The following TACC2 variants were observed in gnomAD, a reference collection of about 807,000 sequenced individuals.
TACC2 encodes transforming acidic coiled-coil-containing protein 2.
In TACC2, 137 loss-of-function variants were observed where a neutral mutation model predicts 227.3. The observed-to-expected ratio is 0.60, with a 90% CI of 0.52 to 0.69. The LOEUF (loss-of-function observed/expected upper bound fraction) is 0.69, where lower values mean the gene tolerates loss of function less well. Ranked by LOEUF, TACC2 falls within the 30% of genes least tolerant of loss-of-function variation. TACC2 has a pLI of 0.00. For missense variants in TACC2, 3,470 were observed against 3,694.4 expected (o/e 0.94, Z 1.57); for synonymous variants, 1,523 against 1,487.5 (o/e 1.02, Z -0.55).
intron 5 of TACC2, among the ~76,000 whole-genome samples, chr10:122,119,874 G>A (rs1041692722): frequency 1.3e-5 from 2 of 151,798 alleles, no homozygotes; most frequent in African/African-American, 2.4e-5. Context: ...AGTCAAGATC[G>A]CGCTGCTGTA....
intron 11 of TACC2, among the ~76,000 whole-genome samples, chr10:122,217,175 T>C (rs1462718523): frequency 6.6e-6 from 1 of 152,054 alleles, no homozygotes; most frequent in East Asian, 1.9e-4. Flanking sequence ...GGGAGTGTCA[T>C]TCAAGTCAAA....
intron 1 of TACC2, among the ~76,000 whole-genome samples, chr10:122,002,731 A>G (rs1954556465): frequency 6.6e-6 from 1 of 152,184 alleles, no homozygotes. Context: ...TCACTAGGAT[A>G]CTATCCATTT....
intron 7 of TACC2, among the ~76,000 whole-genome samples, chr10:122,151,235 T>C (rs939935932): frequency 6.6e-6 from 1 of 152,000 alleles, no homozygotes; most frequent in Non-Finnish European, 1.5e-5. Flanking sequence ...AACTCTCCAA[T>C]AGAGCTGAGA....
At position 122,073,728 on chromosome 10, in the gene TACC2, C is replaced by T. The variant is rs11814526; in HGVS notation, c.147-8919C>T. On this transcript the variant is annotated intron_variant, in intron 3 of 22. Transcript: ENST00000369005. ...CCTGCGGTAGAAAAGCTTGTTTAAC[C>T]GCACTTCACCTAGTGCTTCCCACAT... Among the ~76,000 whole-genome samples the T allele has an allele frequency of 3.6e-3, 548 of 152,194 alleles. 7 individuals are homozygous for T. The highest frequency in any genetic ancestry group is 0.013 in the African/African-American group (531 of 41,536).
At chr10:122,063,700 C>T (rs983822388) in intron 3 of TACC2, among the ~76,000 whole-genome samples, 1 of 152,042 alleles carries the variant, frequency 6.6e-6, no homozygotes, top group South Asian at 2.1e-4. Context: ...GTTTTCCTCA[C>T]ACTCTTCTTT....
rs1430980605 is a variant in TACC2 at position 122,211,283 on chromosome 10, C to T, written c.6858C>T (p.Thr2286=). Residue 2286 remains threonine, a synonymous_variant, in exon 9 of 23, where the codon ACC becomes ACT. Coordinates refer to ENST00000369005, the MANE Select transcript of TACC2 (RefSeq NM_206862.4). ...ACCAGCAGGAAAACCCCCCTCCTAC[C>T]AAAAAGATAGGCAAAAAGCCAGTTG... ...WDNQQENPPP[T]KKIGKKPVAK... is the part of the protein sequence containing the mutation. 1 of 1,613,894 alleles carries T rather than the reference C, an allele frequency of 6.2e-7. No homozygotes were observed. Among genetic ancestry groups the T allele is most frequent in the Non-Finnish European group, 8.5e-7 (1 of 1,180,008 alleles).
chr10:122,232,259 A>G (rs10788262), intron 16 of TACC2, among the ~76,000 whole-genome samples: 44,881 of 152,198 alleles, frequency 0.29, 7,755 homozygotes, highest in East Asian at 0.54. Flanking sequence ...AATGAATTGC[A>G]TGCAGTTTGG....
At chr10:122,251,071 C>G (rs994091100) in intron 22 of TACC2, among the ~76,000 whole-genome samples, 1 of 151,498 alleles carries the variant, frequency 6.6e-6, no homozygotes, top group Non-Finnish European at 1.5e-5. Flanking sequence ...AGGCATGTGC[C>G]CCCTACCAGG....
At chr10:122,049,444 C>A (rs1165778912) in intron 2 of TACC2, among the ~76,000 whole-genome samples, 1 of 152,150 alleles carries the variant, frequency 6.6e-6, no homozygotes, top group African/African-American at 2.4e-5. Context: ...TGACCGGAGT[C>A]TCATGTACAC....
intron 2 of TACC2, among the ~76,000 whole-genome samples, chr10:122,049,385 C>A (rs1258547428): frequency 1.3e-5 from 2 of 152,356 alleles, no homozygotes; most frequent in Non-Finnish European, 2.9e-5. Flanking sequence ...TAGAACCCCC[C>A]ACCAGAACTG....
chr10:122,037,463 T>G (rs959650258), intron 2 of TACC2, among the ~76,000 whole-genome samples: 6 of 152,232 alleles, frequency 3.9e-5, no homozygotes, highest in African/African-American at 1.2e-4. Context: ...GGTGAACTTG[T>G]GCCCAGCTCT....
intron 8 of TACC2, among the ~76,000 whole-genome samples, chr10:122,197,102 A>C (rs548499507): frequency 6.6e-6 from 1 of 151,572 alleles, no homozygotes; most frequent in African/African-American, 2.4e-5. Context: ...CTCTACTAAA[A>C]ATACAGAAAT....
intron 7 of TACC2, among the ~76,000 whole-genome samples, chr10:122,152,038 C>T (rs2092093231): frequency 6.6e-6 from 1 of 152,180 alleles, no homozygotes; most frequent in Non-Finnish European, 1.5e-5. Flanking sequence ...CTGCCCAAGG[C>T]TGGGGCCCAG....
chr10:122,120,533 C>T (rs1156268190), intron 5 of TACC2, among the ~76,000 whole-genome samples: 1 of 152,118 alleles, frequency 6.6e-6, no homozygotes, highest in Non-Finnish European at 1.5e-5. Context: ...CACGCCACTC[C>T]CTCTTTGTCG....
chr10:122,053,014 A>G (rs1215365721), intron 3 of TACC2, among the ~76,000 whole-genome samples: 1 of 152,228 alleles, frequency 6.6e-6, no homozygotes, highest in Non-Finnish European at 1.5e-5. Context: ...CTGTGTGTGC[A>G]ATAGATCATT....
intron 6 of TACC2, among the ~76,000 whole-genome samples, chr10:122,136,569 A>ATG (rs1565405246): frequency 6.7e-6 from 1 of 148,664 alleles, no homozygotes; most frequent in East Asian, 2.0e-4. Flanking sequence ...ATATATATAT[A>ATG]TTAGATGTAG....
At chr10:122,064,176 A>T (rs1279911672) in intron 3 of TACC2, among the ~76,000 whole-genome samples, 1 of 151,758 alleles carries the variant, frequency 6.6e-6, no homozygotes, top group Non-Finnish European at 1.5e-5. Context: ...AACAACAAAA[A>T]GTGTGTGTGT....
At chr10:122,005,683 C>CTTTTT (rs67744191) in intron 1 of TACC2, among the ~76,000 whole-genome samples, 4 of 108,386 alleles carry the variant, frequency 3.7e-5, no homozygotes, top group Non-Finnish European at 5.5e-5. Context: ...CGTGCCTGGC[C>CTTTTT]TTTTTTTTTT....
chr10:122,166,361 C>A (rs2093163045), intron 7 of TACC2, among the ~76,000 whole-genome samples: 1 of 152,096 alleles, frequency 6.6e-6, no homozygotes. Flanking sequence ...TGCCTTTGGG[C>A]AGCTTTTGTA....
Sources: gnomAD v4.1 joint callset for allele counts (sites outside exome capture counted in the v4.1 genomes callset) on GRCh38, gnomAD v4.1.1 for gene constraint, MANE v1.5 for transcripts, NCBI Gene and HGNC (gene_info 2026-07-23, HGNC 2026-07-21) for gene names.